The following MRM2 variants were observed in gnomAD, a reference collection of about 807,000 sequenced individuals.
The protein encoded by MRM2 is rRNA methyltransferase 2, mitochondrial.
In MRM2, 15 loss-of-function variants were observed where a neutral mutation model predicts 10.9. The ratio of observed to expected loss-of-function variants is 1.37; its 90% CI spans 0.92 to 2.11. The LOEUF (loss-of-function observed/expected upper bound fraction) is 2.11. Among genes scored for constraint, MRM2 ranks in the 30% most tolerant of loss-of-function variants. The pLI is 0.00. For missense variants in MRM2, 328 were observed against 321.3 expected, an observed-to-expected ratio of 1.02 and a Z score of -0.16; for synonymous variants, 139 against 128.7, an observed-to-expected ratio of 1.08 and a Z score of -0.54.
chr7:2,236,159 A>T (rs551841110), intron 2 of MRM2, among the ~76,000 whole-genome samples: 21 of 152,236 alleles, frequency 1.4e-4, no homozygotes, highest in South Asian at 6.2e-4. Flanking sequence ...GAACCCGGGA[A>T]GCGGAGGTTG....
At chr7:2,236,445 T>A (rs1421979503) in intron 2 of MRM2, among the ~76,000 whole-genome samples, 1 of 151,656 alleles carries the variant, frequency 6.6e-6, no homozygotes, top group African/African-American at 2.4e-5. Context: ...TCCCAGCACT[T>A]TGGGAGGCTG....
At chr7:2,239,017 AT>A (rs1562401723) in intron 2 of MRM2, 4,441 of 39,736 alleles carry the variant, frequency 0.11, 366 homozygotes, top group Admixed American at 0.16. Flanking sequence ...ATATATATAT[AT>A]ATATATATAT....
chr7:2,235,216 C>T lies in MRM2; in HGVS notation c.647G>A (p.Arg216Lys), dbSNP rs758067183. The stretch of plus-strand genomic sequence containing the variant: ...CCTGCTGGCTTCAGGTTTGATGATC[C>T]TTACATTCTGGAATTCCTCTGTCAG... The part of the protein sequence containing the change: ...RRLTEEFQNV[R>K]IIKPEASRKE... The change falls in exon 3 of 3, where the codon AGG (arginine) becomes AAG (lysine). Residue 216 changes from arginine to lysine, a missense_variant. By Grantham distance (26) the Arg-to-Lys change is conservative (BLOSUM62 2). Transcript: ENST00000242257. 2 of 1,613,972 alleles carry T rather than the reference C, an allele frequency of 1.2e-6. No homozygotes were observed. The highest frequency in any genetic ancestry group is 1.3e-5 in the African/African-American group (1 of 74,932).
At chr7:2,239,003 AT>A (rs60173050) in intron 2 of MRM2, 37,371 of 157,270 alleles carry the variant, frequency 0.24, 7,911 homozygotes, top group East Asian at 0.48. Context: ...ATATATATAT[AT>A]ATATATATAT....
At chr7:2,241,969 G>A in intron 1 of MRM2, 193 bp downstream of exon 1, 1 of 550,562 alleles carries the variant, frequency 1.8e-6, no homozygotes, top group Non-Finnish European at 3.0e-6. Context: ...CCCTGCCCCT[G>A]GAGACCTGAG....
chr7:2,235,120 C>T lies in MRM2; in HGVS notation c.*2G>A. On this transcript the variant is annotated 3_prime_UTR_variant, in exon 3 of 3. Transcript: ENST00000242257. ...CCATTATGAAAATGGCACAAGAAATCCTCACTGCTTCACAGTGCCCTTCCT... is the reference window on the plus strand; with the variant it reads ...CCATTATGAAAATGGCACAAGAAATTCTCACTGCTTCACAGTGCCCTTCCT... The T allele has an allele frequency of 4.4e-6, 7 of 1,607,314 alleles. No homozygotes were observed. The highest frequency in any genetic ancestry group is 6.0e-6 in the Non-Finnish European group (7 of 1,174,492).
rs190379686 is a variant in MRM2 at position 2,235,038 on chromosome 7, C to A, written c.*84G>T. ...CTCCATCTCCAAAATCAGCTCAAATCTCCCAGGAACTCTTCAGGAGCTCAG... is the reference window on the plus strand; with the variant it reads ...CTCCATCTCCAAAATCAGCTCAAATATCCCAGGAACTCTTCAGGAGCTCAG... On this transcript the variant is annotated 3_prime_UTR_variant, in exon 3 of 3. Transcript: ENST00000242257. 7.6e-6 allele frequency: 8 copies of A among 1,048,060 alleles called. No individual in the cohort carries two copies. In the Admixed American group the frequency reaches 1.7e-4, roughly 22 times the overall value. The allele number at this position is 1,048,060 out of a possible 1,614,324, so 64.9% of individuals were successfully genotyped here. A position where few individuals can be genotyped will look rare whatever the true frequency, so the allele number is the denominator to read the frequency against.
chr7:2,237,799 G>A lies in MRM2; in HGVS notation c.298+1619C>T, dbSNP rs186633312. Among the ~76,000 whole-genome samples the A allele has an allele frequency of 2.2e-3, 337 of 150,266 alleles. 3 individuals are homozygous for A. The highest frequency in any genetic ancestry group is 7.3e-3 in the African/African-American group (299 of 40,714). On this transcript the variant is annotated intron_variant, in intron 2 of 2. Coordinates refer to ENST00000242257, the MANE Select transcript of MRM2 (RefSeq NM_013393.3). The stretch of plus-strand genomic sequence containing the variant: ...TCTACTAAACATACAAAAATTAGCC[G>A]GAAATCACTTAAACACAGGAGGCAA...
chr7:2,235,470 A>C lies in MRM2; in HGVS notation c.393T>G (p.Thr131=). The C allele has an allele frequency of 1.9e-6, 3 of 1,614,054 alleles. No individual in the cohort carries two copies. The highest frequency in any genetic ancestry group is 2.5e-6 in the Non-Finnish European group (3 of 1,179,988). The change falls in exon 3 of 3, where the codon ACT becomes ACG. Residue 131 remains threonine (T), a synonymous_variant. Transcript: ENST00000242257. ...GATFLCPADV[T]DPRTSQRILE... is the part of the protein sequence containing the mutation. ...GGATTCTCTGTGAGGTTCTCGGGTC[A>C]GTCACGTCAGCAGGGCACAGAAAAG...
chr7:2,238,878 G>C (rs1794464379), intron 2 of MRM2: 1 of 164,792 alleles, frequency 6.1e-6, no homozygotes, highest in Admixed American at 6.5e-5. Context: ...GGTAGGCAGA[G>C]GTTGCAGTGA....
chr7:2,239,514 G>C lies in MRM2; in HGVS notation c.202C>G (p.Gln68Glu). The change falls in exon 2 of 3, where the codon CAG becomes GAG. Residue 68 changes from glutamine (Q) to glutamate (E), a missense_variant. Physicochemically the swap from Gln to Glu is conservative, Grantham distance 29. Coordinates refer to ENST00000242257, the MANE Select transcript of MRM2 (RefSeq NM_013393.3). ...ACCCGAAGGCCGGGCCGCAGAATCTGGTGCCTCTCGTTCACCTCCAGGAGC... is the reference window on the plus strand; with the variant it reads ...ACCCGAAGGCCGGGCCGCAGAATCTCGTGCCTCTCGTTCACCTCCAGGAGC... ...FKLLEVNERH[Q>E]ILRPGLRVLD... 6.2e-7 allele frequency: 1 copy of C among 1,613,982 alleles called. No homozygotes were observed. Among genetic ancestry groups the C allele is most frequent in the Non-Finnish European group, 8.5e-7 (1 of 1,180,026 alleles).
At chr7:2,239,362 A>G in intron 2 of MRM2, 56 bp downstream of exon 2, 3 of 1,541,630 alleles carry the variant, frequency 1.9e-6, no homozygotes, top group East Asian at 2.3e-5. Flanking sequence ...CAGCTTGCCC[A>G]TGCCCACTCA....
chr7:2,239,852 G>A lies in MRM2; in HGVS notation c.9-145C>T, dbSNP rs548925972. ...GGAGGTGAACTGATAAGGCTACACA[G>A]ATGGAAAGCAGGCATCACAGGCCAA... On this transcript the variant is annotated intron_variant, in intron 1 of 2. Coordinates refer to ENST00000242257, the MANE Select transcript of MRM2 (RefSeq NM_013393.3). The A allele has an allele frequency of 8.0e-4, 564 of 701,366 alleles. 4 individuals are homozygous for A. Among genetic ancestry groups the A allele is most frequent in the Non-Finnish European group, 7.9e-4 (332 of 421,644 alleles). The allele number at this position is 701,366 out of a possible 1,614,324, so 43.4% of individuals were successfully genotyped here. A position where few individuals can be genotyped will look rare whatever the true frequency, so the allele number is the denominator to read the frequency against.
chr7:2,242,046 C>A (rs989979328), intron 1 of MRM2, 116 bp downstream of exon 1: 9 of 1,158,874 alleles, frequency 7.8e-6, no homozygotes, highest in Admixed American at 2.4e-5. Flanking sequence ...TCGCTGAGTG[C>A]GGGGACGGTG....
chr7:2,239,365 C>T (rs1794478282), intron 2 of MRM2, 53 bp downstream of exon 2: 2 of 1,553,052 alleles, frequency 1.3e-6, no homozygotes, highest in Admixed American at 3.6e-5. Flanking sequence ...CTTGCCCATG[C>T]CCACTCAGCC....
At chr7:2,241,531 G>C (rs1584629696) in intron 1 of MRM2, among the ~76,000 whole-genome samples, 1 of 151,612 alleles carries the variant, frequency 6.6e-6, no homozygotes, top group Admixed American at 6.6e-5. Context: ...CGAACTCCTA[G>C]GCTCAAACGA....
intron 2 of MRM2, among the ~76,000 whole-genome samples, chr7:2,236,407 G>A (rs146750675): frequency 7.9e-4 from 120 of 152,100 alleles, no homozygotes; most frequent in African/African-American, 2.7e-3. Flanking sequence ...AACTGATATC[G>A]GCTAGGTGTG....
chr7:2,238,945 G>C (rs1276629886), intron 2 of MRM2: 3 of 192,242 alleles, frequency 1.6e-5, no homozygotes, highest in African/African-American at 2.5e-5. Context: ...CATCTGGAGG[G>C]GGGGGAAGAA....
rs11382094 is a variant in MRM2 at position 2,241,448 on chromosome 7, AT to A, written c.8+713del. 910 of 145,416 alleles carry A rather than the reference AT, an allele frequency of 6.3e-3. 6 individuals are homozygous for A. The highest frequency in any genetic ancestry group is 0.013 in the South Asian group (58 of 4,564). 9.0% of individuals were successfully genotyped at this position (145,416 alleles called of 1,614,324 possible). A position where few individuals can be genotyped will look rare whatever the true frequency, so the allele number is the denominator to read the frequency against. Reference sequence around the variant, plus strand: ...GGTGTGCACCACCATGCCTGGGCTAATTTTTTTTTTTTTTTTAATTCTTAAA... The same window carrying A: ...GGTGTGCACCACCATGCCTGGGCTAATTTTTTTTTTTTTTTAATTCTTAAA... On this transcript the variant is annotated intron_variant, in intron 1 of 2. Transcript: ENST00000242257.
Sources: gnomAD v4.1 joint callset for allele counts (sites outside exome capture counted in the v4.1 genomes callset) on GRCh38, gnomAD v4.1.1 for gene constraint, MANE v1.5 for transcripts, NCBI Gene and HGNC (gene_info 2026-07-23, HGNC 2026-07-21) for gene names.